Variants in NBEA observed in about 807,000 individuals in gnomAD.
NBEA encodes the protein neurobeachin.
In NBEA, 44 loss-of-function variants were observed where a neutral mutation model predicts 343.4. That is an observed-to-expected ratio of 0.13 (90% CI 0.10 to 0.16). NBEA has a LOEUF of 0.16. Ranked by LOEUF, NBEA falls within the 10% of genes least tolerant of loss-of-function variation. The pLI, the probability that NBEA is intolerant of heterozygous loss-of-function variation, is 1.00. For synonymous variants in NBEA, 1,175 were observed against 1,238.7 expected, an observed-to-expected ratio of 0.95 and a Z score of 1.08; for missense variants, 2,555 against 3,631.3, an observed-to-expected ratio of 0.70 and a Z score of 7.62.
At chr13:35,504,447 C>T (rs1452900035) in intron 41 of NBEA, among the ~76,000 whole-genome samples, 2 of 152,172 alleles carry the variant, frequency 1.3e-5, no homozygotes, top group Non-Finnish European at 2.9e-5. Context: ...GAGGCTGCCA[C>T]AGTTGAGACC....
rs1167665447 is a variant in NBEA, at chr13:35,045,292, T to C, written c.628-14T>C. 4.4e-6 allele frequency: 7 copies of C among 1,588,494 alleles called. No individual in the cohort carries two copies. Among genetic ancestry groups the C allele is most frequent in the African/African-American group, 1.4e-5 (1 of 73,986 alleles). Reference sequence around the variant, plus strand: ...TTTGTACAATGACATTTCTTTCTTTTATTGTTTCCCCAGCCAAGACATGCA... The same window carrying C: ...TTTGTACAATGACATTTCTTTCTTTCATTGTTTCCCCAGCCAAGACATGCA... On this transcript the variant is annotated splice_polypyrimidine_tract_variant and intron_variant, in intron 3 of 58. Coordinates refer to ENST00000379939, the MANE Select transcript of NBEA (RefSeq NM_001385012.1).
chr13:35,504,912 A>C (rs568072722), intron 41 of NBEA, among the ~76,000 whole-genome samples: 2 of 152,280 alleles, frequency 1.3e-5, no homozygotes, highest in Admixed American at 1.3e-4. Context: ...GTACCCAGCC[A>C]ATATGTTTTT....
At chr13:35,548,255 T>C (rs2079154561) in intron 41 of NBEA, among the ~76,000 whole-genome samples, 1 of 152,162 alleles carries the variant, frequency 6.6e-6, no homozygotes, top group African/African-American at 2.4e-5. Flanking sequence ...ATTGGCACAG[T>C]TTATAAAATA....
intron 1 of NBEA, among the ~76,000 whole-genome samples, chr13:35,007,847 C>T (rs1382537906): frequency 1.3e-5 from 2 of 152,122 alleles, no homozygotes; most frequent in African/African-American, 2.4e-5. Flanking sequence ...GTTCTGATAA[C>T]TTCATTATCT....
At chr13:35,426,132 A>C (rs527410516) in intron 38 of NBEA, among the ~76,000 whole-genome samples, 61 of 152,316 alleles carry the variant, frequency 4.0e-4, no homozygotes, top group Admixed American at 2.4e-3. Flanking sequence ...TAATTGGAGC[A>C]TTTAGCCCAT....
chr13:35,611,481 C>G (rs752365781), intron 48 of NBEA, among the ~76,000 whole-genome samples: 4 of 152,108 alleles, frequency 2.6e-5, no homozygotes, highest in Non-Finnish European at 5.9e-5. Context: ...CACTTGTTTT[C>G]AGTGTACAAT....
At chr13:35,375,712 T>A (rs1185579374) in intron 38 of NBEA, among the ~76,000 whole-genome samples, 1 of 152,180 alleles carries the variant, frequency 6.6e-6, no homozygotes, top group African/African-American at 2.4e-5. Context: ...AATCATAGCA[T>A]TTGTGATGCT....
chr13:35,048,554 G>T lies in NBEA; in HGVS notation c.724-9G>T. The T allele has an allele frequency of 6.2e-7, 1 of 1,602,752 alleles. No individual in the cohort carries two copies. The highest frequency in any genetic ancestry group is 2.2e-5 in the East Asian group (1 of 44,590). On this transcript the variant is annotated splice_polypyrimidine_tract_variant and intron_variant, in intron 4 of 58. Coordinates refer to ENST00000379939, the MANE Select transcript of NBEA (RefSeq NM_001385012.1). ...TGATACTTTCGTACCTTTTCTCATT[G>T]CCTTGTAGGCAATTGCCTTGCCTCC...
chr13:35,666,207 G>A lies in NBEA; in HGVS notation c.8464+1021G>A, dbSNP rs139171533. Among the ~76,000 whole-genome samples, 665 of 151,936 alleles carry A rather than the reference G, an allele frequency of 4.4e-3. 2 individuals carry two copies. Among genetic ancestry groups the A allele is most frequent in the Non-Finnish European group, 6.0e-3 (406 of 67,964 alleles). On this transcript the variant is annotated intron_variant, in intron 56 of 58. Transcript: ENST00000379939. ...AGGAAACTATTGAAGTTTTTTAATCGAGGTGATGAGATAGATAGGTTTGGT... is the reference window on the plus strand; with the variant it reads ...AGGAAACTATTGAAGTTTTTTAATCAAGGTGATGAGATAGATAGGTTTGGT...
At chr13:34,946,177 A>G (rs1056640574) in intron 1 of NBEA, among the ~76,000 whole-genome samples, 7 of 152,160 alleles carry the variant, frequency 4.6e-5, no homozygotes, top group African/African-American at 1.4e-4. Flanking sequence ...TTGTAGCTCT[A>G]CTAATGAAAG....
intron 38 of NBEA, among the ~76,000 whole-genome samples, chr13:35,388,660 G>T (rs150227022): frequency 2.6e-5 from 4 of 152,124 alleles, no homozygotes; most frequent in Admixed American, 2.6e-4. Flanking sequence ...GCTGTGAAGG[G>T]TTTGGATAAA....
rs527290540 is a variant in NBEA, at chr13:35,625,518, G to A, written c.7450-2563G>A. Among the ~76,000 whole-genome samples, 245 of 152,152 alleles carry A rather than the reference G, an allele frequency of 1.6e-3. 1 individual carries two copies. The highest frequency in any genetic ancestry group is 2.9e-3 in the Non-Finnish European group (200 of 68,004). On this transcript the variant is annotated intron_variant, in intron 48 of 58. Coordinates refer to ENST00000379939, the MANE Select transcript of NBEA (RefSeq NM_001385012.1). Reference sequence around the variant, plus strand: ...TGTCTGTAGTCCCACCCAGCTACTCGGGAGGCTGAGATGGAAGGATCACTG... The same window carrying A: ...TGTCTGTAGTCCCACCCAGCTACTCAGGAGGCTGAGATGGAAGGATCACTG...
intron 40 of NBEA, among the ~76,000 whole-genome samples, chr13:35,459,991 A>G (rs956124365): frequency 6.6e-6 from 1 of 152,200 alleles, no homozygotes; most frequent in African/African-American, 2.4e-5. Flanking sequence ...CAATTCTGAT[A>G]TGGTGAATGT....
chr13:35,246,784 G>A (rs1471868255), intron 34 of NBEA, among the ~76,000 whole-genome samples: 4 of 152,180 alleles, frequency 2.6e-5, no homozygotes. Context: ...TTTCAAGAGA[G>A]CATCAGCTGT....
rs566318253 is a variant in NBEA at position 35,214,150 on chromosome 13, T to C, written c.5648+2971T>C. ...AATAATCTACTCTTCTTTTCACCTG[T>C]TGATAGCCATCTGGGTTTTCCCATT... On this transcript the variant is annotated intron_variant, in intron 33 of 58. Transcript: ENST00000379939. Among the ~76,000 whole-genome samples the C allele has an allele frequency of 1.1e-4, 17 of 152,124 alleles. No homozygotes were observed. The East Asian group carries it at 2.5e-3, about 22-fold the overall frequency.
chr13:35,652,734 G>C (rs1465845924), intron 53 of NBEA, among the ~76,000 whole-genome samples: 17 of 102,866 alleles, frequency 1.7e-4, no homozygotes, highest in Admixed American at 8.0e-4. Flanking sequence ...TCGCTCTGTC[G>C]CCCAGGCTGG....
At chr13:35,312,086 A>G (rs575542113) in intron 36 of NBEA, among the ~76,000 whole-genome samples, 3 of 152,216 alleles carry the variant, frequency 2.0e-5, no homozygotes, top group Non-Finnish European at 4.4e-5. Flanking sequence ...AAATACTGCT[A>G]TAAGAGTTAG....
chr13:35,207,690 GA>G (rs2073488878), intron 31 of NBEA, among the ~76,000 whole-genome samples: 1 of 152,020 alleles, frequency 6.6e-6, no homozygotes, highest in Non-Finnish European at 1.5e-5. Flanking sequence ...ATACGCTAAA[GA>G]AACCTGGGGA....
chr13:35,105,550 T>A (rs1466858855), intron 11 of NBEA, among the ~76,000 whole-genome samples: 8 of 152,010 alleles, frequency 5.3e-5, no homozygotes, highest in African/African-American at 1.9e-4. Context: ...GCGAGCTCAT[T>A]TCTGTCAATT....
Sources: gnomAD v4.1 joint callset for allele counts (sites outside exome capture counted in the v4.1 genomes callset) on GRCh38, gnomAD v4.1.1 for gene constraint, MANE v1.5 for transcripts, NCBI Gene and HGNC (gene_info 2026-07-23, HGNC 2026-07-21) for gene names.